Variants in ZDHHC4 observed in about 807,000 individuals in gnomAD.
ZDHHC4 encodes zDHHC palmitoyltransferase 4, also known as palmitoyltransferase ZDHHC4.
ZDHHC4 carries 42 observed loss-of-function variants against 36.7 expected under a neutral mutation model. The ratio of observed to expected loss-of-function variants is 1.14; its 90% confidence interval spans 0.89 to 1.48. ZDHHC4 has a LOEUF of 1.48. Among genes scored for constraint, ZDHHC4 ranks in the 40% most tolerant of loss-of-function variants. The probability of loss-of-function intolerance (pLI) is 0.00; values close to 1 mark genes in which losing one functional copy is unlikely to be tolerated. For synonymous variants in ZDHHC4, 189 were observed against 166.6 expected, an observed-to-expected ratio of 1.13 and a Z score of -1.03; for missense variants, 457 against 421.5, an observed-to-expected ratio of 1.08 and a Z score of -0.74.
chr7:6,587,858 G>T (rs142795314), intron 7 of ZDHHC4, among the ~76,000 whole-genome samples: 296 of 152,160 alleles, frequency 1.9e-3, no homozygotes, highest in East Asian at 6.0e-3. Flanking sequence ...TGTTTCTATT[G>T]ATTTATTTAT....
chr7:6,581,594 C>A lies in ZDHHC4; in HGVS notation c.118-13C>A, dbSNP rs1229836901. 6.2e-7 allele frequency: 1 copy of A among 1,600,312 alleles called. No individual in the cohort carries two copies. Among genetic ancestry groups the A allele is most frequent in the Admixed American group, 1.7e-5 (1 of 59,804 alleles). On this transcript the variant is annotated splice_polypyrimidine_tract_variant and intron_variant, in intron 3 of 7. Coordinates refer to ENST00000335965, the MANE Select transcript of ZDHHC4 (RefSeq NM_001134389.2). ...GAAATGAAATTGAGTCTTTCTCTTT[C>A]CTTTTGTTTCAGATATTTTCCTGTA...
chr7:6,578,095 G>A (rs1462560270), intron 1 of ZDHHC4, among the ~76,000 whole-genome samples: 1 of 151,744 alleles, frequency 6.6e-6, no homozygotes, highest in Non-Finnish European at 1.5e-5. Context: ...CTCCCAAAGT[G>A]CTGGGATTAT....
intron 7 of ZDHHC4, among the ~76,000 whole-genome samples, chr7:6,587,065 G>C (rs577976846): frequency 6.8e-6 from 1 of 147,512 alleles, no homozygotes; most frequent in Non-Finnish European, 1.5e-5. Context: ...TTTTTTTTGA[G>C]ACAGAGTCTC....
At chr7:6,579,089 G>A (rs1780651128) in intron 2 of ZDHHC4, among the ~76,000 whole-genome samples, 1 of 151,916 alleles carries the variant, frequency 6.6e-6, no homozygotes, top group Non-Finnish European at 1.5e-5. Flanking sequence ...CTTCCAAAGT[G>A]CTGGGAGTAC....
intron 5 of ZDHHC4, 52 bp from the exon 6 acceptor site, chr7:6,583,254 T>C (rs1257919439): frequency 3.1e-6 from 5 of 1,602,442 alleles, no homozygotes; most frequent in Middle Eastern, 3.8e-4. Flanking sequence ...GTTTTGTGAC[T>C]ATCCAGTCCA....
intron 7 of ZDHHC4, among the ~76,000 whole-genome samples, chr7:6,586,297 C>A (rs953797095): frequency 6.6e-6 from 1 of 152,184 alleles, no homozygotes; most frequent in Non-Finnish European, 1.5e-5. Context: ...AAAGGAAACA[C>A]TCCCCATTCC....
intron 6 of ZDHHC4, among the ~76,000 whole-genome samples, chr7:6,584,741 C>G (rs539969952): frequency 1.3e-5 from 2 of 152,296 alleles, no homozygotes; most frequent in South Asian, 4.1e-4. Flanking sequence ...TCAAGTGATC[C>G]TCCCGCCTAG....
At chr7:6,584,271 G>A (rs532822523) in intron 6 of ZDHHC4, 4 of 152,158 alleles carry the variant, frequency 2.6e-5, no homozygotes, top group African/African-American at 9.6e-5. Context: ...AGCACATCTT[G>A]ATTTGGACAC....
intron 2 of ZDHHC4, 80 bp from the exon 3 acceptor site, chr7:6,580,475 G>T (rs148361430): frequency 1.7e-6 from 2 of 1,144,202 alleles, no homozygotes; most frequent in Admixed American, 1.7e-5. Flanking sequence ...GTAGCCATTT[G>T]GGAGTTGATG....
At chr7:6,577,887 C>A (rs569770200) in intron 1 of ZDHHC4, among the ~76,000 whole-genome samples, 1 of 152,282 alleles carries the variant, frequency 6.6e-6, no homozygotes, top group East Asian at 1.9e-4. Context: ...GGCTGTAGTG[C>A]AGTGGCGCGA....
At chr7:6,583,222 C>T in intron 5 of ZDHHC4, 84 bp from the exon 6 acceptor site, 1 of 1,410,598 alleles carries the variant, frequency 7.1e-7, no homozygotes, top group Non-Finnish European at 9.8e-7. Context: ...ATAGCAGTTT[C>T]AGTTGTGTTT....
intron 7 of ZDHHC4, among the ~76,000 whole-genome samples, chr7:6,586,245 G>C (rs1387154205): frequency 6.6e-6 from 1 of 151,800 alleles, no homozygotes; most frequent in African/African-American, 2.4e-5. Flanking sequence ...GACTTGTTCA[G>C]CCCTCACTAC....
intron 2 of ZDHHC4, among the ~76,000 whole-genome samples, 177 bp downstream of exon 2, chr7:6,578,897 A>G (rs1404995641): frequency 6.6e-6 from 1 of 152,268 alleles, no homozygotes; most frequent in Admixed American, 6.5e-5. Flanking sequence ...TTTTTGAGAC[A>G]GGGTCTCATG....
At chr7:6,580,432 GATGTC>G (rs1780761574) in intron 2 of ZDHHC4, 118 bp from the exon 3 acceptor site, 1 of 801,258 alleles carries the variant, frequency 1.2e-6, no homozygotes, top group Non-Finnish European at 2.1e-6. Context: ...TTTGCTTTGA[GATGTC>G]ATTAAAGTCT....
chr7:6,583,417 G>C lies in ZDHHC4; in HGVS notation c.482G>C (p.Arg161Pro), dbSNP rs372891853. 1.2e-6 allele frequency: 2 copies of C among 1,612,916 alleles called. No homozygotes were observed. Among genetic ancestry groups the C allele is most frequent in the Non-Finnish European group, 1.7e-6 (2 of 1,179,264 alleles). ...CSTCDLRKPARSKHCSVCNWC... is the reference protein window; with the variant it reads ...CSTCDLRKPAPSKHCSVCNWC... ...ACTTGTGATTTAAGGAAACCAGCTC[G>C]ATCCAAGCACTGCAGTGAGTGTGGC... The change falls in exon 6 of 8, where the codon CGA (arginine) becomes CCA (proline). Residue 161 changes from arginine (R) to proline (P), a missense_variant. Transcript: ENST00000335965.
chr7:6,582,176 C>T lies in ZDHHC4; in HGVS notation c.295C>T (p.His99Tyr), dbSNP rs1242763752. 8.7e-6 allele frequency: 14 copies of T among 1,614,202 alleles called. No homozygotes were observed. Among genetic ancestry groups the T allele is most frequent in the South Asian group, 7.7e-5 (7 of 91,086 alleles). ...GYCQELELSL[H>Y]YLLLPYLLLG... ...CTGTCAGGAGCTGGAGTTGTCCTTG[C>T]ATTACCTTCTTCTGCCCTATCTGCT... is the stretch of plus-strand genomic sequence containing the variant. Residue 99 changes from histidine (H) to tyrosine (Y), a missense_variant, in exon 5 of 8, where the codon CAT becomes TAT. By Grantham distance (83) the His-to-Tyr change is moderately conservative. Coordinates refer to ENST00000335965, the MANE Select transcript of ZDHHC4 (RefSeq NM_001134389.2).
At chr7:6,587,145 A>G (rs1781297343) in intron 7 of ZDHHC4, among the ~76,000 whole-genome samples, 2 of 150,120 alleles carry the variant, frequency 1.3e-5, no homozygotes, top group African/African-American at 4.9e-5. Context: ...CCTGGGCTCA[A>G]ATGCTCCCAC....
At position 6,585,218 on chromosome 7, in the gene ZDHHC4, C is replaced by T. The variant is rs763289704; in HGVS notation, c.699C>T (p.Asp233=). The stretch of plus-strand genomic sequence containing the variant: ...TATACCAGGAGACTTACATCGATGA[C>T]CTTGGACACCTCCATGTTATGGACA... ...SDLYQETYID[D]LGHLHVMDTV... is the part of the protein sequence containing the mutation. Residue 233 remains aspartate, a synonymous_variant, in exon 7 of 8, where the codon GAC becomes GAT. Coordinates refer to ENST00000335965, the MANE Select transcript of ZDHHC4 (RefSeq NM_001134389.2). 1.2e-6 allele frequency: 2 copies of T among 1,614,020 alleles called. No individual in the cohort carries two copies. Among genetic ancestry groups the T allele is most frequent in the African/African-American group, 1.3e-5 (1 of 74,902 alleles).
intron 6 of ZDHHC4, 26 bp from the exon 7 acceptor site, chr7:6,584,990 G>A (rs989842707): frequency 6.2e-7 from 1 of 1,612,102 alleles, no homozygotes; most frequent in East Asian, 2.2e-5. Context: ...CACCATCCCA[G>A]CACGTGCCCC....
Sources: gnomAD v4.1 joint callset for allele counts (sites outside exome capture counted in the v4.1 genomes callset) on GRCh38, gnomAD v4.1.1 for gene constraint, MANE v1.5 for transcripts, NCBI Gene and HGNC (gene_info 2026-07-23, HGNC 2026-07-21) for gene names.